Variants in OR1J2 observed in about 807,000 individuals in gnomAD.
OR1J2 encodes olfactory receptor family 1 subfamily J member 2.
For synonymous variants in OR1J2, 142 were observed against 99.7 expected (o/e 1.42, Z -2.52); for missense variants, 304 against 246.1 (o/e 1.24, Z -1.57).
chr9:122,519,393 A>G, the OR1J2 span: 2 of 1,614,162 alleles, frequency 1.2e-6, no homozygotes, highest in Non-Finnish European at 1.7e-6. Flanking sequence ...GTTATTAAGC[A>G]TGCAAACTCA....
At chr9:122,553,332 A>G in the OR1J2 span, 3 of 1,613,962 alleles carry the variant, frequency 1.9e-6, no homozygotes, top group African/African-American at 1.3e-5. Flanking sequence ...GTACCTGGTC[A>G]CCATGGTGGG....
chr9:122,509,417 C>G (rs533289704), upstream of OR1J2, among the ~76,000 whole-genome samples: 13 of 152,258 alleles, frequency 8.5e-5, no homozygotes, highest in African/African-American at 3.1e-4. Flanking sequence ...GACTGGATTG[C>G]AAAAGAACTA....
chr9:122,553,569 G>C, the OR1J2 span: 10 of 1,613,954 alleles, frequency 6.2e-6, no homozygotes, highest in Middle Eastern at 1.6e-4. Context: ...CCTGCTGGCT[G>C]TGATGGCATA....
chr9:122,493,427 C>A, the OR1J2 span, among the ~76,000 whole-genome samples: 1 of 152,040 alleles, frequency 6.6e-6, no homozygotes, highest in African/African-American at 2.4e-5. Context: ...CTGGTTTAAC[C>A]TAGGAGGGTT....
chr9:122,480,780 A>G, the OR1J2 span, among the ~76,000 whole-genome samples: 1 of 151,538 alleles, frequency 6.6e-6, no homozygotes, highest in Admixed American at 6.6e-5. Flanking sequence ...TCCACCCTCT[A>G]TTTTTTATTT....
At chr9:122,518,280 T>C in the OR1J2 span, among the ~76,000 whole-genome samples, 1 of 152,250 alleles carries the variant, frequency 6.6e-6, no homozygotes, top group African/African-American at 2.4e-5. Context: ...TTTACTGTAT[T>C]ATTTAGTTTA....
chr9:122,514,449 A>T (rs1190627701), downstream of OR1J2, among the ~76,000 whole-genome samples: 1 of 152,188 alleles, frequency 6.6e-6, no homozygotes, highest in Admixed American at 6.5e-5. Flanking sequence ...GCTGCAAAGG[A>T]CATGATTTCA....
chr9:122,526,878 C>T, the OR1J2 span: 1 of 1,614,140 alleles, frequency 6.2e-7, no homozygotes, highest in Non-Finnish European at 8.5e-7. Context: ...CATTAGGGCA[C>T]AGACTTGGGG....
At chr9:122,556,292 T>TTG in the OR1J2 span, among the ~76,000 whole-genome samples, 3 of 152,076 alleles carry the variant, frequency 2.0e-5, no homozygotes, top group East Asian at 5.8e-4. Flanking sequence ...CTTTTTTTTT[T>TTG]TTCATGTGGA....
the OR1J2 span, chr9:122,568,172 C>A: frequency 3.9e-5 from 63 of 1,614,114 alleles, no homozygotes; most frequent in Non-Finnish European, 5.0e-5. Flanking sequence ...AGAGAAAATA[C>A]ATCTGTGTCA....
At chr9:122,526,760 G>A in the OR1J2 span, 3 of 1,614,030 alleles carry the variant, frequency 1.9e-6, no homozygotes, top group Admixed American at 5.0e-5. Context: ...CAGGAGTGAT[G>A]TCACAGAAAA....
At chr9:122,538,354 G>A in the OR1J2 span, among the ~76,000 whole-genome samples, 1 of 152,160 alleles carries the variant, frequency 6.6e-6, no homozygotes, top group Non-Finnish European at 1.5e-5. Context: ...TTGGTTAAAT[G>A]TATTTCTAGG....
the OR1J2 span, among the ~76,000 whole-genome samples, chr9:122,479,790 C>G: frequency 6.6e-6 from 1 of 152,084 alleles, no homozygotes; most frequent in African/African-American, 2.4e-5. Flanking sequence ...AAAGATTAGA[C>G]CTAGAATCTA....
the OR1J2 span, chr9:122,567,221 A>AG: frequency 7.1e-3 from 1,434 of 203,258 alleles, 28 homozygotes; most frequent in African/African-American, 0.031. Context: ...AGAATTTTGG[A>AG]GGATCTGCCT....
chr9:122,477,943 G>A, the OR1J2 span: 9 of 1,547,508 alleles, frequency 5.8e-6, no homozygotes, highest in East Asian at 2.3e-5. Flanking sequence ...ATCAGCTGGA[G>A]GGCACTAGGG....
chr9:122,547,527 C>T, the OR1J2 span, among the ~76,000 whole-genome samples: 1 of 152,044 alleles, frequency 6.6e-6, no homozygotes, highest in South Asian at 2.1e-4. Context: ...CCCTCAGCCC[C>T]CTCCCACCTT....
chr9:122,567,344 A>G, the OR1J2 span: 1 of 439,156 alleles, frequency 2.3e-6, no homozygotes, highest in African/African-American at 2.0e-5. Flanking sequence ...GAAAGAGGAG[A>G]CACAGACAGG....
chr9:122,565,173 A>G, the OR1J2 span, among the ~76,000 whole-genome samples: 41,482 of 152,126 alleles, frequency 0.27, 5,840 homozygotes, highest in Middle Eastern at 0.34. Context: ...TTTGGATTTT[A>G]GAGGAAACAC....
the OR1J2 span, among the ~76,000 whole-genome samples, chr9:122,530,734 G>A: frequency 1.3e-5 from 2 of 152,098 alleles, no homozygotes; most frequent in African/African-American, 4.8e-5. Context: ...GAGTGGGGCC[G>A]TTTTATAAGA....
Sources: gnomAD v4.1 joint callset for allele counts (sites outside exome capture counted in the v4.1 genomes callset) on GRCh38, gnomAD v4.1.1 for gene constraint, MANE v1.5 for transcripts, NCBI Gene and HGNC (gene_info 2026-07-23, HGNC 2026-07-21) for gene names.